The following C6orf89 variants were observed in gnomAD, a reference collection of about 807,000 sequenced individuals.
C6orf89 encodes chromosome 6 open reading frame 89.
Under a neutral mutation model 40.7 loss-of-function variants are expected in C6orf89, and 29 were observed. The ratio of observed to expected loss-of-function variants is 0.71; its 90% CI spans 0.53 to 0.97. The LOEUF is 0.97. Among genes scored for constraint, C6orf89 ranks in the 50% least tolerant of loss-of-function variants. The probability of loss-of-function intolerance (pLI) is 0.00; values close to 1 mark genes in which losing one functional copy is unlikely to be tolerated. For synonymous variants in C6orf89, 165 were observed against 152.2 expected (o/e 1.08, Z -0.62); for missense variants, 392 against 429.1 (o/e 0.91, Z 0.76).
intron 2 of C6orf89, among the ~76,000 whole-genome samples, chr6:36,898,621 C>T (rs557542361): frequency 2.6e-5 from 4 of 152,208 alleles, no homozygotes; most frequent in South Asian, 2.1e-4. Context: ...ACAGAGAGAA[C>T]TCTACTTTGC....
chr6:36,891,703 G>A (rs1260172765), intron 1 of C6orf89, among the ~76,000 whole-genome samples: 1 of 152,204 alleles, frequency 6.6e-6, no homozygotes, highest in Non-Finnish European at 1.5e-5. Flanking sequence ...CATGGGTAGT[G>A]TAATATTAAA....
intron 2 of C6orf89, among the ~76,000 whole-genome samples, chr6:36,897,153 AAAAG>A (rs1433092426): frequency 2.1e-5 from 3 of 145,060 alleles, no homozygotes; most frequent in East Asian, 2.0e-4. Flanking sequence ...AAAAAAAAAG[AAAAG>A]AAAGAAAGGT....
intron 1 of C6orf89, among the ~76,000 whole-genome samples, chr6:36,876,837 G>A (rs1258633455): frequency 6.6e-6 from 1 of 152,050 alleles, no homozygotes; most frequent in Non-Finnish European, 1.5e-5. Flanking sequence ...TGGAGTGACA[G>A]CCTGGGTTGA....
chr6:36,872,476 C>A (rs1042091470), intron 1 of C6orf89, among the ~76,000 whole-genome samples: 5 of 152,128 alleles, frequency 3.3e-5, no homozygotes, highest in Admixed American at 1.3e-4. Flanking sequence ...AACTTTGAAT[C>A]TTTGCACCTA....
chr6:36,894,744 A>G (rs1761359259), intron 2 of C6orf89, 141 bp downstream of exon 2: 2 of 167,224 alleles, frequency 1.2e-5, no homozygotes, highest in Admixed American at 1.3e-4. Flanking sequence ...GTGGTGATTC[A>G]CTGAGATAAT....
At chr6:36,886,353 T>C (rs1254754326) in intron 1 of C6orf89, among the ~76,000 whole-genome samples, 3 of 152,230 alleles carry the variant, frequency 2.0e-5, no homozygotes, top group Non-Finnish European at 4.4e-5. Flanking sequence ...TCCAGATTTC[T>C]GCCCTTTTGA....
chr6:36,918,761 CTCTT>C (rs2150714714), intron 7 of C6orf89, among the ~76,000 whole-genome samples: 1 of 152,358 alleles, frequency 6.6e-6, no homozygotes, highest in African/African-American at 2.4e-5. Context: ...ACCCATCTCT[CTCTT>C]TATCCCTATT....
chr6:36,881,847 G>C (rs912690970), upstream of C6orf89, among the ~76,000 whole-genome samples: 1 of 151,926 alleles, frequency 6.6e-6, no homozygotes, highest in Non-Finnish European at 1.5e-5. Flanking sequence ...AAAAAAAATA[G>C]TAAAGGGTTA....
At chr6:36,909,033 C>T (rs1762027489) in intron 4 of C6orf89, among the ~76,000 whole-genome samples, 1 of 152,102 alleles carries the variant, frequency 6.6e-6, no homozygotes, top group Non-Finnish European at 1.5e-5. Flanking sequence ...CTGTGGCCAC[C>T]CTATCTCCAA....
intron 4 of C6orf89, among the ~76,000 whole-genome samples, chr6:36,912,527 G>A (rs1046585316): frequency 6.6e-6 from 1 of 152,148 alleles, no homozygotes; most frequent in Non-Finnish European, 1.5e-5. Context: ...TGAATAAGAA[G>A]CATTTGAAAA....
At chr6:36,899,737 T>C (rs1350433169) in intron 3 of C6orf89, 104 bp downstream of exon 3, 13 of 1,152,024 alleles carry the variant, frequency 1.1e-5, no homozygotes, top group African/African-American at 1.5e-5. Context: ...GCATTGGTTT[T>C]TCCGTGAATA....
intron 2 of C6orf89, among the ~76,000 whole-genome samples, chr6:36,896,588 G>A (rs1761437425): frequency 6.6e-6 from 1 of 151,964 alleles, no homozygotes; most frequent in Non-Finnish European, 1.5e-5. Context: ...TTACTTTCTT[G>A]ATGGTATTGA....
In C6orf89 at chr6:36,894,511, T is replaced by C. The variant is rs756592144; in HGVS notation, c.-112T>C. On this transcript the variant is annotated 5_prime_UTR_variant, in exon 2 of 9. Transcript: ENST00000480824. ...CCTTTACTCTATTTGCAGGAATCAT[T>C]GTAGTCAATCATTTTCCAGTTCTCA... 1.2e-5 allele frequency: 12 copies of C among 985,140 alleles called. No individual in the cohort carries two copies. The highest frequency in any genetic ancestry group is 1.4e-5 in the Non-Finnish European group (12 of 829,668). The allele number at this position is 985,140 out of a possible 1,614,324, so 61.0% of individuals were successfully genotyped here.
At chr6:36,914,139 G>A (rs561945741) in intron 4 of C6orf89, 145 bp from the exon 5 acceptor site, 14 of 775,934 alleles carry the variant, frequency 1.8e-5, no homozygotes, top group African/African-American at 8.8e-5. Context: ...CAGCCTGGGC[G>A]ACAGAGTGAG....
At chr6:36,909,182 T>TTG (rs1762032466) in intron 4 of C6orf89, among the ~76,000 whole-genome samples, 1 of 67,732 alleles carries the variant, frequency 1.5e-5, no homozygotes, top group South Asian at 4.6e-4. Context: ...TTGTTGTGGG[T>TTG]TTTTTTTTTT....
At chr6:36,906,859 G>A (rs1356974481) in intron 4 of C6orf89, among the ~76,000 whole-genome samples, 1 of 152,196 alleles carries the variant, frequency 6.6e-6, no homozygotes, top group African/African-American at 2.4e-5. Flanking sequence ...TGGGAACTTT[G>A]TCATGGGCTT....
chr6:36,871,928 G>T, exon 1 of C6orf89: 1 of 1,458,592 alleles, frequency 6.9e-7, no homozygotes, highest in Non-Finnish European at 9.1e-7. Flanking sequence ...GCAGACAGGA[G>T]TATTATGGAA....
At chr6:36,891,835 G>T (rs1761219004) in intron 1 of C6orf89, among the ~76,000 whole-genome samples, 1 of 152,114 alleles carries the variant, frequency 6.6e-6, no homozygotes, top group Non-Finnish European at 1.5e-5. Context: ...TTCCCCTTTT[G>T]TGCTTTAACT....
chr6:36,886,131 ACCACCCTCTATCCCAGCGCGGAT>A, intron 1 of C6orf89, 103 bp downstream of exon 1: 1 of 1,020,620 alleles, frequency 9.8e-7, no homozygotes. Flanking sequence ...CGCCGCTGCT[ACCACCCTCTATCCCAGCGCGGAT>A]CCCTTTTCTC....
Sources: allele counts gnomAD v4.1 joint callset (sites outside exome capture counted in the v4.1 genomes callset), GRCh38; gene constraint gnomAD v4.1.1; transcripts MANE v1.5; gene names NCBI Gene and HGNC (gene_info 2026-07-23, HGNC 2026-07-21).